NAA11: variants seen among roughly 807,000 people sequenced by gnomAD.
The protein encoded by NAA11 is N-alpha-acetyltransferase 11.
A neutral mutation model predicts 16.1 loss-of-function variants in NAA11; 15 were observed. That is an observed-to-expected ratio of 0.93 (90% CI 0.62 to 1.44). NAA11 has a LOEUF of 1.44. Ranked by LOEUF, NAA11 falls within the 40% of genes most tolerant of loss-of-function variation. NAA11 has a pLI of 0.00. For synonymous variants in NAA11, 122 were observed against 112.4 expected (o/e 1.09, Z -0.54); for missense variants, 298 against 291.3 (o/e 1.02, Z -0.17).
chr4:79,179,803 A>C, the NAA11 span, among the ~76,000 whole-genome samples: 2 of 152,224 alleles, frequency 1.3e-5, no homozygotes, highest in African/African-American at 4.8e-5. Context: ...GCTATAAAGA[A>C]TTGCTTCAGA....
At chr4:79,224,875 A>G (rs1370653187), downstream of NAA11, among the ~76,000 whole-genome samples, 2 of 152,112 alleles carry the variant, frequency 1.3e-5, no homozygotes, top group African/African-American at 2.4e-5. Flanking sequence ...TAATCATGCA[A>G]AAAATATCAG....
intron 2 of NAA11, among the ~76,000 whole-genome samples, chr4:79,275,140 A>G (rs1246549824): frequency 6.8e-6 from 1 of 148,064 alleles, no homozygotes; most frequent in African/African-American, 2.5e-5. Context: ...TCTCTACACA[A>G]GGAGAATACT....
At chr4:79,301,057 GA>G (rs1723369000) in intron 1 of NAA11, among the ~76,000 whole-genome samples, 1 of 152,176 alleles carries the variant, frequency 6.6e-6, no homozygotes, top group Non-Finnish European at 1.5e-5. Flanking sequence ...CACCTTAAAT[GA>G]ATTAGCAAAC....
intron 2 of NAA11, among the ~76,000 whole-genome samples, chr4:79,226,796 T>C (rs1302085122): frequency 6.6e-6 from 1 of 152,116 alleles, no homozygotes; most frequent in Non-Finnish European, 1.5e-5. Context: ...CCATGGTGTA[T>C]ATGTGCCACA....
chr4:79,300,943 C>T (rs749420060), intron 1 of NAA11, among the ~76,000 whole-genome samples: 3 of 152,162 alleles, frequency 2.0e-5, no homozygotes, highest in Non-Finnish European at 4.4e-5. Flanking sequence ...GGATGCACTC[C>T]ATGACTTTGC....
chr4:79,308,615 T>C (rs1723662376), intron 1 of NAA11: 1 of 152,206 alleles, frequency 6.6e-6, no homozygotes, highest in African/African-American at 2.4e-5. Flanking sequence ...AAGATCTCTA[T>C]CCACTTTTAT....
the NAA11 span, among the ~76,000 whole-genome samples, chr4:79,177,999 G>A: frequency 3.3e-5 from 5 of 152,104 alleles, no homozygotes; most frequent in African/African-American, 9.7e-5. Context: ...TTCTCAGATT[G>A]TTCTCAGATG....
rs534510053 is a variant in NAA11, at chr4:79,322,600, G to C, written c.*12+2576C>G. Among the ~76,000 whole-genome samples, 3 of 152,142 alleles carry C rather than the reference G, an allele frequency of 2.0e-5. No homozygotes were observed. The South Asian group carries it at 6.2e-4, about 32-fold the overall frequency. On this transcript the variant is annotated intron_variant, in intron 1 of 1. Coordinates refer to ENST00000286794, the MANE Select transcript of NAA11 (RefSeq NM_032693.3). ...GAGAAGCAAATAACTACAAAGATGA[G>C]ATCAATACTGTGTAAGTCCTTCTAC...
At chr4:79,160,629 A>T in the NAA11 span, among the ~76,000 whole-genome samples, 2 of 152,156 alleles carry the variant, frequency 1.3e-5, no homozygotes, top group Non-Finnish European at 2.9e-5. Flanking sequence ...GTATCTTTTT[A>T]TGTGGCTATT....
At chr4:79,322,434 A>G (rs748706562) in intron 1 of NAA11, among the ~76,000 whole-genome samples, 1 of 151,890 alleles carries the variant, frequency 6.6e-6, no homozygotes. Context: ...AGTGGCAGTT[A>G]TTTTGTTTCT....
the NAA11 span, among the ~76,000 whole-genome samples, chr4:79,159,584 A>AC: frequency 3.3e-5 from 5 of 151,960 alleles, no homozygotes; most frequent in South Asian, 2.1e-4. Flanking sequence ...ACATTTAATC[A>AC]CCCCCCAAAG....
the NAA11 span, among the ~76,000 whole-genome samples, chr4:79,218,708 G>T: frequency 6.6e-6 from 1 of 151,804 alleles, no homozygotes; most frequent in African/African-American, 2.4e-5. Flanking sequence ...TGTCTTCTTT[G>T]CTTCTTCTGT....
the NAA11 span, among the ~76,000 whole-genome samples, chr4:79,196,955 C>CAGAAAAAA: frequency 1.2e-5 from 1 of 86,168 alleles, no homozygotes; most frequent in Non-Finnish European, 2.1e-5. Context: ...ATGAAAAAGA[C>CAGAAAAAA]AAAAAAAAAA....
intron 2 of NAA11, among the ~76,000 whole-genome samples, chr4:79,280,703 C>T (rs987701623): frequency 4.0e-5 from 6 of 151,860 alleles, no homozygotes; most frequent in South Asian, 2.1e-4. Flanking sequence ...AGGACAAAGG[C>T]GGTATCTTTC....
chr4:79,309,714 C>CTTTTTTTTTTTTTTTT (rs71662804), intron 1 of NAA11, among the ~76,000 whole-genome samples: 1 of 81,422 alleles, frequency 1.2e-5, no homozygotes, highest in Non-Finnish European at 2.2e-5. Context: ...TTTTTTTTTT[C>CTTTTTTTTTTTTTTTT]TTTTTTTTTT....
the NAA11 span, among the ~76,000 whole-genome samples, chr4:79,182,883 C>T: frequency 6.6e-6 from 1 of 152,084 alleles, no homozygotes. Context: ...TCTAATCAAT[C>T]ATTTAACAAT....
chr4:79,193,404 A>C, the NAA11 span, among the ~76,000 whole-genome samples: 2 of 152,184 alleles, frequency 1.3e-5, no homozygotes, highest in Admixed American at 6.5e-5. Context: ...TTTTTGTATA[A>C]GGTGTAAAGG....
chr4:79,194,600 T>G, the NAA11 span, among the ~76,000 whole-genome samples: 170 of 152,142 alleles, frequency 1.1e-3, no homozygotes, highest in Non-Finnish European at 9.6e-4. Context: ...AGGCCTGATT[T>G]GGAAAAGCCT....
chr4:79,309,648 T>G (rs1723700786), intron 1 of NAA11, among the ~76,000 whole-genome samples: 1 of 151,996 alleles, frequency 6.6e-6, no homozygotes, highest in African/African-American at 2.4e-5. Context: ...CACTGGAGTG[T>G]TTTCTTCTTA....
Sources: allele counts gnomAD v4.1 joint callset (sites outside exome capture counted in the v4.1 genomes callset), GRCh38; gene constraint gnomAD v4.1.1; transcripts MANE v1.5; gene names NCBI Gene and HGNC (gene_info 2026-07-23, HGNC 2026-07-21).